Variants in SYT2 observed in about 807,000 individuals in gnomAD.
The protein encoded by SYT2 is synaptotagmin 2.
Under a neutral mutation model 39.9 loss-of-function variants are expected in SYT2, and 15 were observed. The ratio of observed to expected loss-of-function variants is 0.38; its 90% CI spans 0.25 to 0.58. SYT2 has a LOEUF of 0.58. SYT2 is among the 20% of genes least tolerant of loss of function. The pLI is 0.70. For missense variants in SYT2, 389 were observed against 530.3 expected (o/e 0.73, Z 2.62); for synonymous variants, 181 against 204.5 (o/e 0.89, Z 0.98).
intron 1 of SYT2, among the ~76,000 whole-genome samples, chr1:202,663,980 G>C (rs1349971850): frequency 6.6e-6 from 1 of 152,192 alleles, no homozygotes; most frequent in African/African-American, 2.4e-5. Context: ...CACAAGCACA[G>C]TGCCCTCTGG....
At position 202,680,538 on chromosome 1, in the gene SYT2, C is replaced by T. The variant is rs189265749; in HGVS notation, c.-18+29720G>A. On this transcript the variant is annotated intron_variant, in intron 1 of 8. Coordinates refer to ENST00000367268, the MANE Select transcript of SYT2 (RefSeq NM_177402.5). ...CCTGGGAAACAAAGTGAGACCCTGT[C>T]TCAAAAAAACCCACAACATTATCAC... Among the ~76,000 whole-genome samples the T allele has an allele frequency of 1.2e-4, 18 of 152,106 alleles. No individual in the cohort carries two copies. In the East Asian group the frequency reaches 3.1e-3, roughly 26 times the overall value.
intron 1 of SYT2, among the ~76,000 whole-genome samples, chr1:202,653,105 CTATTT>C (rs1240583827): frequency 1.3e-5 from 2 of 152,086 alleles, no homozygotes; most frequent in Non-Finnish European, 2.9e-5. Context: ...CTCAATGCCA[CTATTT>C]TCATAGAAAA....
intron 1 of SYT2, among the ~76,000 whole-genome samples, chr1:202,694,659 T>C (rs1036876259): frequency 6.6e-6 from 1 of 152,098 alleles, no homozygotes; most frequent in African/African-American, 2.4e-5. Flanking sequence ...TGCTAAGCCC[T>C]ATTATGTCCA....
At chr1:202,609,132 G>GT (rs535594020) in intron 1 of SYT2, among the ~76,000 whole-genome samples, 244 of 148,444 alleles carry the variant, frequency 1.6e-3, no homozygotes, top group Non-Finnish European at 2.2e-3. Context: ...GCGGTGTTTG[G>GT]TTTTTTGTCC....
At chr1:202,675,004 C>A (rs1572672514) in intron 1 of SYT2, among the ~76,000 whole-genome samples, 2 of 152,160 alleles carry the variant, frequency 1.3e-5, no homozygotes, top group African/African-American at 4.8e-5. Context: ...TCTGTCCATG[C>A]CTCCCAAGAA....
chr1:202,605,682 T>C lies in SYT2; in HGVS notation c.91A>G (p.Thr31Ala). ...TMPIGPVDNS[T>A]ESGGAGESQE... ...CTCTCCCCAGCACCCCCACTCTCAG[T>C]GGAGTTGTCCACGGGTCCAATGGGC... The change falls in exon 2 of 9, where the codon ACT (threonine) becomes GCT (alanine). Residue 31 changes from threonine (T) to alanine (A), a missense_variant. Physicochemically the swap from Thr to Ala is moderately conservative, Grantham distance 58. This residue lies in a region of SYT2 where 280 missense variants were observed against 335.6 expected (regional missense o/e 0.83). Transcript: ENST00000367268. The C allele has an allele frequency of 1.2e-6, 2 of 1,613,954 alleles. No individual in the cohort carries two copies. Among genetic ancestry groups the C allele is most frequent in the Non-Finnish European group, 1.7e-6 (2 of 1,179,886 alleles).
Position 202,623,269 on chromosome 1 carries a change from C to T in SYT2, c.-17-17480G>A, listed in dbSNP as rs1236744496. Among the ~76,000 whole-genome samples the T allele has an allele frequency of 1.3e-5, 2 of 152,228 alleles. No homozygotes were observed. The highest frequency in any genetic ancestry group is 2.9e-5 in the Non-Finnish European group (2 of 68,036). On this transcript the variant is annotated intron_variant, in intron 1 of 8. Coordinates refer to ENST00000367268, the MANE Select transcript of SYT2 (RefSeq NM_177402.5). The surrounding 1 kb of genome is among the most constrained non-coding windows in gnomAD (Gnocchi z 4.2). ...TGGAGAGGGAGTTAATACTGCAGCACGGCGCACTCTAGCCAAGACGGAGAA... is the reference window on the plus strand; with the variant it reads ...TGGAGAGGGAGTTAATACTGCAGCATGGCGCACTCTAGCCAAGACGGAGAA...
Position 202,610,482 on chromosome 1 carries a change from G to T in SYT2, c.-17-4693C>A, listed in dbSNP as rs1690856506. Among the ~76,000 whole-genome samples the T allele has an allele frequency of 2.0e-5, 3 of 152,202 alleles. No individual in the cohort carries two copies. In the South Asian group the frequency reaches 6.2e-4, roughly 31 times the overall value. On this transcript the variant is annotated intron_variant, in intron 1 of 8. Coordinates refer to ENST00000367268, the MANE Select transcript of SYT2 (RefSeq NM_177402.5). The stretch of plus-strand genomic sequence containing the variant: ...TGGAAGTTCTGGCCAGGGCAATCAG[G>T]CAGGAGAAGGAAATAAAGGGTATTC...
intron 1 of SYT2, among the ~76,000 whole-genome samples, chr1:202,610,002 G>C (rs1393098634): frequency 6.6e-6 from 1 of 152,162 alleles, no homozygotes; most frequent in Non-Finnish European, 1.5e-5. Context: ...CTTTCTTCTA[G>C]GGTTTTTATG....
intron 1 of SYT2, among the ~76,000 whole-genome samples, chr1:202,669,794 T>G (rs1181797599): frequency 4.0e-5 from 6 of 151,748 alleles, no homozygotes; most frequent in Admixed American, 2.0e-4. Flanking sequence ...AATTCTTATC[T>G]TTAATAGATT....
intron 1 of SYT2, among the ~76,000 whole-genome samples, chr1:202,707,512 C>A (rs1263723486): frequency 6.6e-6 from 1 of 152,158 alleles, no homozygotes; most frequent in Non-Finnish European, 1.5e-5. Flanking sequence ...GTCCACAGAG[C>A]AAATCCCAAA....
chr1:202,696,995 A>G (rs1193293912), intron 1 of SYT2, among the ~76,000 whole-genome samples: 1 of 152,098 alleles, frequency 6.6e-6, no homozygotes, highest in East Asian at 1.9e-4. Flanking sequence ...TCCCAGACAC[A>G]TGGTCTCATT....
intron 1 of SYT2, among the ~76,000 whole-genome samples, chr1:202,690,205 C>T (rs1244249541): frequency 2.0e-5 from 3 of 152,150 alleles, no homozygotes; most frequent in African/African-American, 7.2e-5. Flanking sequence ...AAAGTGTATG[C>T]AGTCATCAGA....
intron 3 of SYT2, chr1:202,604,187 T>C (rs1478696324): frequency 6.0e-5 from 22 of 369,092 alleles, no homozygotes; most frequent in Admixed American, 1.3e-4. Flanking sequence ...CAACATTTTG[T>C]CCCAGTAGCC....
At chr1:202,697,397 G>A (rs1572685705) in intron 1 of SYT2, among the ~76,000 whole-genome samples, 1 of 152,264 alleles carries the variant, frequency 6.6e-6, no homozygotes, top group Non-Finnish European at 1.5e-5. Context: ...AGGCACCTCT[G>A]CCCATGGGCA....
At chr1:202,668,048 A>G (rs1364135724) in intron 1 of SYT2, among the ~76,000 whole-genome samples, 2 of 152,192 alleles carry the variant, frequency 1.3e-5, no homozygotes, top group Admixed American at 1.3e-4. Flanking sequence ...CAGCACCATC[A>G]AAGCCTATGC....
In SYT2 at chr1:202,701,953, T is replaced by C. The variant is rs570629618; in HGVS notation, c.-18+8305A>G. Among the ~76,000 whole-genome samples, 283 of 152,330 alleles carry C rather than the reference T, an allele frequency of 1.9e-3. 1 individual carries two copies. The highest frequency in any genetic ancestry group is 2.6e-3 in the Non-Finnish European group (175 of 68,026). On this transcript the variant is annotated intron_variant, in intron 1 of 8. Coordinates refer to ENST00000367268, the MANE Select transcript of SYT2 (RefSeq NM_177402.5). ...CAGTCTTGGTTTGACCTAGGCCATCTGACTCCCAGCCACACACACGCTGCT... is the reference window on the plus strand; with the variant it reads ...CAGTCTTGGTTTGACCTAGGCCATCCGACTCCCAGCCACACACACGCTGCT...
intron 1 of SYT2, among the ~76,000 whole-genome samples, chr1:202,629,349 C>T (rs1691506896): frequency 6.6e-6 from 1 of 152,208 alleles, no homozygotes; most frequent in African/African-American, 2.4e-5. Flanking sequence ...CCTCCTCCAG[C>T]CCACCTTCCC....
At position 202,644,732 on chromosome 1, in the gene SYT2, G is replaced by A. The variant is rs75753117; in HGVS notation, c.-17-38943C>T. 1.4e-4 allele frequency among the ~76,000 whole-genome samples: 21 copies of A among 152,228 alleles called. No homozygotes were observed. The South Asian group carries it at 4.1e-3, about 30-fold the overall frequency. ...AAAATCCAGTGTGCATGTGTGTTGG[G>A]GGGGGCAGTCACTCAGGGCTTTCCA... On this transcript the variant is annotated intron_variant, in intron 1 of 8. Coordinates refer to ENST00000367268, the MANE Select transcript of SYT2 (RefSeq NM_177402.5).
Sources: gnomAD v4.1 joint callset for allele counts (sites outside exome capture counted in the v4.1 genomes callset) on GRCh38, gnomAD v4.1.1 for gene constraint, gnomAD v4.1.1 regional missense constraint, Gnocchi (gnomAD v3.1) non-coding constraint, MANE v1.5 for transcripts, NCBI Gene and HGNC (gene_info 2026-07-23, HGNC 2026-07-21) for gene names.